MBNL2: variants seen among roughly 807,000 people sequenced by gnomAD.
The protein encoded by MBNL2 is muscleblind-like protein 2.
A neutral mutation model predicts 41.9 loss-of-function variants in MBNL2; 17 were observed. The ratio of observed to expected loss-of-function variants is 0.41; its 90% CI spans 0.28 to 0.61. MBNL2 has a LOEUF of 0.61. Ranked by LOEUF, MBNL2 falls within the 20% of genes least tolerant of loss-of-function variation. MBNL2 has a pLI of 0.35. For synonymous variants in MBNL2, 195 were observed against 182.9 expected (o/e 1.07, Z -0.53); for missense variants, 336 against 505.6 (o/e 0.66, Z 3.22).
At chr13:97,180,467 T>C in the MBNL2 span, among the ~76,000 whole-genome samples, 1 of 152,114 alleles carries the variant, frequency 6.6e-6, no homozygotes, top group Non-Finnish European at 1.5e-5. Context: ...CCAGGCATGG[T>C]GGCTCACACC....
intron 1 of MBNL2, among the ~76,000 whole-genome samples, chr13:97,229,793 A>C (rs2042137069): frequency 6.6e-6 from 1 of 152,238 alleles, no homozygotes; most frequent in Admixed American, 6.5e-5. Flanking sequence ...ATAACATCAC[A>C]TCTAATGCTT....
At chr13:97,292,338 C>A (rs965513611) in intron 2 of MBNL2, among the ~76,000 whole-genome samples, 5 of 152,148 alleles carry the variant, frequency 3.3e-5, no homozygotes, top group Admixed American at 6.5e-5. Context: ...TTGCCATAGT[C>A]ACTCAGGAGC....
At chr13:97,291,917 A>AAAAAAAAAAAG (rs398070410) in intron 2 of MBNL2, among the ~76,000 whole-genome samples, 1 of 125,312 alleles carries the variant, frequency 8.0e-6, no homozygotes. Flanking sequence ...AAAAAAAAAA[A>AAAAAAAAAAAG]GTGGGCTGGG....
At chr13:97,210,168 T>A in the MBNL2 span, among the ~76,000 whole-genome samples, 1 of 152,196 alleles carries the variant, frequency 6.6e-6, no homozygotes, top group Non-Finnish European at 1.5e-5. Context: ...AGAACAGAGA[T>A]TTTTTTCTAA....
chr13:97,161,693 C>T, the MBNL2 span, among the ~76,000 whole-genome samples: 3 of 152,146 alleles, frequency 2.0e-5, no homozygotes, highest in African/African-American at 7.2e-5. Flanking sequence ...TGAATTATAT[C>T]ATCACACTGA....
chr13:97,142,139 AAAT>A, the MBNL2 span, among the ~76,000 whole-genome samples: 2 of 151,952 alleles, frequency 1.3e-5, no homozygotes, highest in African/African-American at 4.8e-5. Flanking sequence ...TCTATCAATT[AAAT>A]TAAAGCTTTC....
chr13:97,150,021 C>G, the MBNL2 span, among the ~76,000 whole-genome samples: 1 of 152,228 alleles, frequency 6.6e-6, no homozygotes, highest in Admixed American at 6.5e-5. Flanking sequence ...TGCTCTGGCA[C>G]TGCATGGCTG....
At chr13:97,234,926 G>A (rs959303645) in intron 1 of MBNL2, among the ~76,000 whole-genome samples, 1 of 152,200 alleles carries the variant, frequency 6.6e-6, no homozygotes, top group Non-Finnish European at 1.5e-5. Context: ...CAAGGTCACT[G>A]GAGGAACTAA....
At chr13:97,287,383 T>G (rs1594154215) in intron 2 of MBNL2, among the ~76,000 whole-genome samples, 1 of 152,346 alleles carries the variant, frequency 6.6e-6, no homozygotes, top group East Asian at 1.9e-4. Flanking sequence ...ATTCATTCAA[T>G]TTAAAGGCTG....
In MBNL2 at chr13:97,276,353, C is replaced by T. The variant is rs1018165191; in HGVS notation, c.118C>T (p.Pro40Ser). The T allele has an allele frequency of 6.2e-7, 1 of 1,614,046 alleles. No homozygotes were observed. Among genetic ancestry groups the T allele is most frequent in the Non-Finnish European group, 8.5e-7 (1 of 1,179,976 alleles). Residue 40 changes from proline to serine, a missense_variant, in exon 2 of 9, where the codon CCC becomes TCC. By Grantham distance (74) the Pro-to-Ser change is moderately conservative. Transcript: ENST00000679496. ...SDEECKFAHP[P>S]KSCQVENGRV... ...TGAAGAATGCAAATTTGCTCATCCC[C>T]CCAAAAGTTGTCAGGTTGAAAATGG...
chr13:97,242,660 C>T (rs2044527775), intron 1 of MBNL2, among the ~76,000 whole-genome samples: 1 of 152,082 alleles, frequency 6.6e-6, no homozygotes, highest in Admixed American at 6.5e-5. Flanking sequence ...TTGCAGTTGA[C>T]ATAGCAGAAT....
chr13:97,227,477 T>C (rs2041819199), intron 1 of MBNL2, among the ~76,000 whole-genome samples: 2 of 152,180 alleles, frequency 1.3e-5, no homozygotes, highest in Non-Finnish European at 1.5e-5. Flanking sequence ...AGAAGGAGAA[T>C]TAACATATGT....
chr13:97,147,411 G>T, the MBNL2 span, among the ~76,000 whole-genome samples: 1 of 152,084 alleles, frequency 6.6e-6, no homozygotes, highest in African/African-American at 2.4e-5. Flanking sequence ...TGTAACTTTG[G>T]CTGAGTGTAA....
At chr13:97,385,222 A>T (rs188538965) in intron 8 of MBNL2, among the ~76,000 whole-genome samples, 2 of 152,268 alleles carry the variant, frequency 1.3e-5, no homozygotes, top group East Asian at 1.9e-4. Flanking sequence ...AAGATGAATG[A>T]GACAGTCCCC....
chr13:97,151,997 A>G, the MBNL2 span, among the ~76,000 whole-genome samples: 1 of 152,178 alleles, frequency 6.6e-6, no homozygotes, highest in Non-Finnish European at 1.5e-5. Flanking sequence ...ACCAAGGATG[A>G]CCAGTAATTT....
chr13:97,292,212 A>AG (rs1273187859), intron 2 of MBNL2, among the ~76,000 whole-genome samples: 3 of 151,696 alleles, frequency 2.0e-5, no homozygotes, highest in Non-Finnish European at 4.4e-5. Context: ...AAAAAAAAAA[A>AG]AAAAAAAAAA....
intron 5 of MBNL2, among the ~76,000 whole-genome samples, chr13:97,347,669 A>G (rs1030386102): frequency 6.6e-6 from 1 of 152,190 alleles, no homozygotes; most frequent in African/African-American, 2.4e-5. Flanking sequence ...GTGCAGAAAG[A>G]AAAAAAGACC....
intron 2 of MBNL2, among the ~76,000 whole-genome samples, chr13:97,297,870 G>C (rs993672999): frequency 6.6e-6 from 1 of 151,974 alleles, no homozygotes; most frequent in Non-Finnish European, 1.5e-5. Context: ...GAAATAAGAC[G>C]AAAAGACAAA....
At chr13:97,238,943 T>G (rs1255308241) in intron 1 of MBNL2, among the ~76,000 whole-genome samples, 1 of 152,090 alleles carries the variant, frequency 6.6e-6, no homozygotes, top group Non-Finnish European at 1.5e-5. Flanking sequence ...TAGATAAATG[T>G]GAAGGAAGGT....
Sources: allele counts gnomAD v4.1 joint callset (sites outside exome capture counted in the v4.1 genomes callset), GRCh38; gene constraint gnomAD v4.1.1; transcripts MANE v1.5; gene names NCBI Gene and HGNC (gene_info 2026-07-23, HGNC 2026-07-21).